The following GLYR1 variants were observed in gnomAD, a reference collection of about 807,000 sequenced individuals.
GLYR1 encodes glyoxylate reductase 1 homolog.
In GLYR1, 21 loss-of-function variants were observed where a neutral mutation model predicts 72.7. The observed-to-expected ratio is 0.29, with a 90% confidence interval of 0.20 to 0.42. The LOEUF (loss-of-function observed/expected upper bound fraction) is 0.42, where lower values mean the gene tolerates loss of function less well. Among genes scored for constraint, GLYR1 ranks in the 10% least tolerant of loss-of-function variants. GLYR1 has a pLI of 1.00. For synonymous variants in GLYR1, 392 were observed against 270.2 expected (o/e 1.45, Z -4.42); for missense variants, 594 against 712.1 (o/e 0.83, Z 1.89).
intron 5 of GLYR1, among the ~76,000 whole-genome samples, chr16:4,825,442 G>C (rs192769312): frequency 6.6e-6 from 1 of 152,152 alleles, no homozygotes; most frequent in Admixed American, 6.5e-5. Flanking sequence ...GCTCAGGCTC[G>C]CTTTGGGACT....
Position 4,847,269 on chromosome 16 carries a change from A to T in GLYR1, c.-4T>A, listed in dbSNP as rs2086226546. ...GCCGCAGACTCACAGCCGCCATCTTACCACCCAACCACCGCCGACGCACGG... is the reference window on the plus strand; with the variant it reads ...GCCGCAGACTCACAGCCGCCATCTTTCCACCCAACCACCGCCGACGCACGG... On this transcript the variant is annotated 5_prime_UTR_variant, in exon 1 of 16. Coordinates refer to ENST00000321919, the MANE Select transcript of GLYR1 (RefSeq NM_032569.4). 1 of 1,610,026 alleles carries T rather than the reference A, an allele frequency of 6.2e-7. No homozygotes were observed. The highest frequency in any genetic ancestry group is 8.5e-7 in the Non-Finnish European group (1 of 1,178,966).
At position 4,832,909 on chromosome 16, in the gene GLYR1, G is replaced by C. The variant is rs762637270; in HGVS notation, c.159C>G (p.Ala53=). ...GCTTCAGCTGTTCCACTTTGATCCA[G>C]GCACTAGCAGAAAACAAACACAAAA... ...FVKFFGTEDH[A]WIKVEQLKPY... Residue 53 remains alanine, a synonymous_variant, in exon 4 of 16, where the codon GCC becomes GCG. Coordinates refer to ENST00000321919, the MANE Select transcript of GLYR1 (RefSeq NM_032569.4). The C allele has an allele frequency of 3.2e-5, 52 of 1,608,742 alleles. No individual in the cohort carries two copies. The highest frequency in any genetic ancestry group is 1.4e-5 in the Non-Finnish European group (16 of 1,177,540).
chr16:4,811,427 A>C (rs1596310303), intron 14 of GLYR1, 133 bp from the exon 15 acceptor site: 2 of 1,328,020 alleles, frequency 1.5e-6, no homozygotes, highest in Non-Finnish European at 2.1e-6. Flanking sequence ...TTGGCTCCTC[A>C]CTCACCCTTA....
rs557458820 is a variant in GLYR1 at position 4,815,490 on chromosome 16, A to G, written c.907-843T>C. ...ATGGCTGACCTGTAGTTTGACACTT[A>G]GCCCACTTTCAATTGTAAAATCACA... On this transcript the variant is annotated intron_variant, in intron 10 of 15. Coordinates refer to ENST00000321919, the MANE Select transcript of GLYR1 (RefSeq NM_032569.4). Among the ~76,000 whole-genome samples the G allele has an allele frequency of 2.0e-5, 3 of 152,364 alleles. No homozygotes were observed. The South Asian group carries it at 6.2e-4, about 32-fold the overall frequency.
intron 5 of GLYR1, among the ~76,000 whole-genome samples, chr16:4,827,065 T>C (rs1291798949): frequency 6.6e-6 from 1 of 152,234 alleles, no homozygotes; most frequent in Non-Finnish European, 1.5e-5. Flanking sequence ...TGGGCGCTGC[T>C]GGGGTGCAGC....
At chr16:4,824,250 C>T (rs2084233362) in intron 5 of GLYR1, among the ~76,000 whole-genome samples, 1 of 152,118 alleles carries the variant, frequency 6.6e-6, no homozygotes, top group Non-Finnish European at 1.5e-5. Context: ...CGTGGTGGCT[C>T]ATGTCTGTAA....
chr16:4,820,099 G>A (rs1000520781), intron 9 of GLYR1, among the ~76,000 whole-genome samples: 3 of 152,106 alleles, frequency 2.0e-5, no homozygotes, highest in Non-Finnish European at 1.5e-5. Flanking sequence ...CCGGGTTCAA[G>A]CGATTCTCCC....
At chr16:4,815,514 C>T (rs1243800150) in intron 10 of GLYR1, among the ~76,000 whole-genome samples, 3 of 152,158 alleles carry the variant, frequency 2.0e-5, no homozygotes, top group Non-Finnish European at 2.9e-5. Flanking sequence ...TGTAAAATCA[C>T]ATCACCAAAC....
intron 15 of GLYR1, among the ~76,000 whole-genome samples, chr16:4,807,357 C>T (rs1351713155): frequency 6.6e-6 from 1 of 152,090 alleles, no homozygotes; most frequent in Non-Finnish European, 1.5e-5. Flanking sequence ...AGGTGATCTG[C>T]CCGCCTCAGC....
chr16:4,846,134 C>A, intron 2 of GLYR1, 40 bp downstream of exon 2: 1 of 1,611,180 alleles, frequency 6.2e-7, no homozygotes. Context: ...CCTCTTCAAA[C>A]CCAACTTCAG....
In GLYR1 at chr16:4,845,160, G is replaced by A. The variant is rs781134532; in HGVS notation, c.76-7C>T. On this transcript the variant is annotated splice_region_variant and splice_polypyrimidine_tract_variant and intron_variant, in intron 2 of 15. Coordinates refer to ENST00000321919, the MANE Select transcript of GLYR1 (RefSeq NM_032569.4). Reference sequence around the variant, plus strand: ...CCTTTGGTGGATTAACAATCTGGAGGATAAAAGGGGGGAAAAAGGTTGGCT... The same window carrying A: ...CCTTTGGTGGATTAACAATCTGGAGAATAAAAGGGGGGAAAAAGGTTGGCT... 1 of 1,611,386 alleles carries A rather than the reference G, an allele frequency of 6.2e-7. No homozygotes were observed. The highest frequency in any genetic ancestry group is 8.5e-7 in the Non-Finnish European group (1 of 1,177,548).
intron 3 of GLYR1, among the ~76,000 whole-genome samples, chr16:4,833,756 G>A (rs1038761692): frequency 1.5e-4 from 23 of 152,142 alleles, no homozygotes; most frequent in African/African-American, 5.6e-4. Flanking sequence ...GAAAGTGAAA[G>A]TAGTCAGCTG....
At chr16:4,807,829 G>A (rs1414999998) in intron 15 of GLYR1, among the ~76,000 whole-genome samples, 1 of 152,218 alleles carries the variant, frequency 6.6e-6, no homozygotes, top group Non-Finnish European at 1.5e-5. Context: ...CTACTATCCA[G>A]AGAGAATCCA....
Position 4,846,215 on chromosome 16 carries a change from A to G in GLYR1, c.39-5T>C. The G allele has an allele frequency of 6.2e-7, 1 of 1,613,920 alleles. No homozygotes were observed. Among genetic ancestry groups the G allele is most frequent in the South Asian group, 1.1e-5 (1 of 91,078 alleles). The stretch of plus-strand genomic sequence containing the variant: ...GGATATCGGCCGAGTTTCCCCCTAG[A>G]GAAAACACAAAGAGTCAACACTTGC... On this transcript the variant is annotated splice_polypyrimidine_tract_variant and splice_region_variant and intron_variant, in intron 1 of 15. Coordinates refer to ENST00000321919, the MANE Select transcript of GLYR1 (RefSeq NM_032569.4).
chr16:4,823,103 A>G (rs554501797), intron 6 of GLYR1, among the ~76,000 whole-genome samples, 172 bp from the exon 7 acceptor site: 33 of 152,400 alleles, frequency 2.2e-4, no homozygotes, highest in Non-Finnish European at 4.0e-4. Context: ...TATAAAAACA[A>G]GCCCCATTCC....
At chr16:4,839,294 T>C (rs771161887) in intron 3 of GLYR1, 1 of 152,388 alleles carries the variant, frequency 6.6e-6, no homozygotes, top group Non-Finnish European at 1.5e-5. Context: ...GGTCTTGCCA[T>C]GTTACCCAGG....
chr16:4,844,201 G>A (rs74003513), intron 3 of GLYR1, among the ~76,000 whole-genome samples: 2 of 151,568 alleles, frequency 1.3e-5, no homozygotes, highest in Non-Finnish European at 2.9e-5. Flanking sequence ...CAAATCACTA[G>A]CAACTCAAGT....
At chr16:4,808,497 C>G (rs1015904359) in intron 15 of GLYR1, among the ~76,000 whole-genome samples, 2 of 152,014 alleles carry the variant, frequency 1.3e-5, no homozygotes, top group Non-Finnish European at 2.9e-5. Flanking sequence ...ACTGTGGAGG[C>G]TGAGGCAGGA....
At chr16:4,810,938 C>T (rs921269669) in intron 15 of GLYR1, among the ~76,000 whole-genome samples, 1 of 151,812 alleles carries the variant, frequency 6.6e-6, no homozygotes, top group South Asian at 2.1e-4. Flanking sequence ...AACCCCATCT[C>T]TGCTAAAAAT....
Sources: allele counts gnomAD v4.1 joint callset (sites outside exome capture counted in the v4.1 genomes callset), GRCh38; gene constraint gnomAD v4.1.1; transcripts MANE v1.5; gene names NCBI Gene and HGNC (gene_info 2026-07-23, HGNC 2026-07-21).